Variants in AUTS2 observed in about 807,000 individuals in gnomAD.
AUTS2 encodes the protein autism susceptibility gene 2 protein.
In AUTS2, 17 loss-of-function variants were observed where a neutral mutation model predicts 112.4. The observed-to-expected ratio is 0.15, with a 90% CI of 0.10 to 0.23. AUTS2 has a LOEUF of 0.23. Among genes scored for constraint, AUTS2 ranks in the 10% least tolerant of loss-of-function variants. The probability of loss-of-function intolerance (pLI) is 1.00; values close to 1 mark genes in which losing one functional copy is unlikely to be tolerated. For missense variants in AUTS2, 1,510 were observed against 1,701.6 expected, an observed-to-expected ratio of 0.89 and a Z score of 1.98; for synonymous variants, 751 against 702.7, an observed-to-expected ratio of 1.07 and a Z score of -1.09.
chr7:69,735,185 ACTC>A (rs1320848607), intron 1 of AUTS2, among the ~76,000 whole-genome samples: 2 of 152,150 alleles, frequency 1.3e-5, no homozygotes, highest in African/African-American at 4.8e-5. Context: ...GGATAATACT[ACTC>A]CTAAAACACT....
chr7:70,000,013 C>A (rs772863690), intron 2 of AUTS2, among the ~76,000 whole-genome samples: 1 of 152,198 alleles, frequency 6.6e-6, no homozygotes, highest in Non-Finnish European at 1.5e-5. Flanking sequence ...TGTATCCCTA[C>A]ACAGCTTAAT....
intron 1 of AUTS2, among the ~76,000 whole-genome samples, chr7:69,632,158 A>G (rs1432435483): frequency 1.3e-5 from 2 of 152,138 alleles, no homozygotes; most frequent in African/African-American, 2.4e-5. Context: ...TTGTAAATGT[A>G]TTTTTAGGCT....
intron 4 of AUTS2, among the ~76,000 whole-genome samples, chr7:70,353,377 A>G (rs939720824): frequency 6.6e-6 from 1 of 152,094 alleles, no homozygotes; most frequent in Non-Finnish European, 1.5e-5. Flanking sequence ...TCTAAATACT[A>G]TGGTTGTGTC....
intron 5 of AUTS2, among the ~76,000 whole-genome samples, chr7:70,592,406 C>T (rs1221127114): frequency 6.6e-6 from 1 of 152,010 alleles, no homozygotes; most frequent in Non-Finnish European, 1.5e-5. Context: ...GCCCTGTTGA[C>T]AGGCTGGAGT....
chr7:70,589,092 C>T (rs922258310), intron 5 of AUTS2, among the ~76,000 whole-genome samples: 2 of 152,216 alleles, frequency 1.3e-5, no homozygotes, highest in Non-Finnish European at 2.9e-5. Context: ...ACAGAGGCAG[C>T]AACCGTAAAA....
At chr7:70,532,201 G>A (rs745941703) in intron 5 of AUTS2, among the ~76,000 whole-genome samples, 26 of 152,250 alleles carry the variant, frequency 1.7e-4, no homozygotes, top group Non-Finnish European at 2.5e-4. Context: ...CTTGTATCGC[G>A]TTGCTGATGA....
At chr7:69,702,685 A>C (rs1487622724) in intron 1 of AUTS2, among the ~76,000 whole-genome samples, 1 of 152,152 alleles carries the variant, frequency 6.6e-6, no homozygotes, top group East Asian at 1.9e-4. Flanking sequence ...GGATCTTGTT[A>C]GAAATGCAGA....
intron 5 of AUTS2, among the ~76,000 whole-genome samples, chr7:70,577,841 T>A (rs1363541350): frequency 6.6e-6 from 1 of 152,008 alleles, no homozygotes; most frequent in Non-Finnish European, 1.5e-5. Context: ...ATTTTTTTTT[T>A]ATTTTTTGAG....
Position 69,872,388 on chromosome 7 carries a change from T to A in AUTS2, c.310-26898T>A, listed in dbSNP as rs145772589. 5.9e-3 allele frequency among the ~76,000 whole-genome samples: 895 copies of A among 152,346 alleles called. 9 individuals are homozygous for A. Among genetic ancestry groups the A allele is most frequent in the Admixed American group, 0.015 (226 of 15,304 alleles). On this transcript the variant is annotated intron_variant, in intron 1 of 18. Coordinates refer to ENST00000342771, the MANE Select transcript of AUTS2 (RefSeq NM_015570.4). ...GAAATGTTTTCTTCCTCCTCCTCCT[T>A]TTCTTGTCATGTTGGATATGTCCTT...
chr7:69,728,354 G>A (rs868411403), intron 1 of AUTS2, among the ~76,000 whole-genome samples: 37 of 152,242 alleles, frequency 2.4e-4, no homozygotes, highest in African/African-American at 7.5e-4. Flanking sequence ...AATACTCTTA[G>A]TAGAGCGTGT....
intron 4 of AUTS2, among the ~76,000 whole-genome samples, chr7:70,392,709 A>AC (rs1562931568): frequency 6.6e-6 from 1 of 152,228 alleles, no homozygotes; most frequent in Non-Finnish European, 1.5e-5. Flanking sequence ...CCGCTTGCTA[A>AC]CTATAGCAGG....
chr7:70,125,004 G>GA (rs2129574025), intron 3 of AUTS2, among the ~76,000 whole-genome samples: 1 of 152,134 alleles, frequency 6.6e-6, no homozygotes, highest in East Asian at 1.9e-4. Context: ...TGAACATATG[G>GA]AAAATAGTTA....
intron 1 of AUTS2, among the ~76,000 whole-genome samples, chr7:69,618,629 TAC>T (rs1223127755): frequency 9.3e-4 from 142 of 152,306 alleles, no homozygotes; most frequent in African/African-American, 3.2e-3. Context: ...TGAGGACCAG[TAC>T]ACTATGTGCT....
intron 4 of AUTS2, among the ~76,000 whole-genome samples, chr7:70,427,590 GA>G (rs529981110): frequency 2.6e-5 from 4 of 151,698 alleles, no homozygotes; most frequent in Admixed American, 6.6e-5. Context: ...TGACAAAAAG[GA>G]AAAAAAATAT....
intron 6 of AUTS2, among the ~76,000 whole-genome samples, chr7:70,733,277 C>A (rs934934144): frequency 6.6e-6 from 1 of 152,140 alleles, no homozygotes; most frequent in African/African-American, 2.4e-5. Context: ...AGACTTAGAG[C>A]TAGTGGTGTT....
At chr7:70,055,373 G>T (rs1801946885) in intron 2 of AUTS2, among the ~76,000 whole-genome samples, 1 of 152,160 alleles carries the variant, frequency 6.6e-6, no homozygotes, top group Non-Finnish European at 1.5e-5. Flanking sequence ...GGCGGAGGTT[G>T]TGGTGAGCCA....
At chr7:70,435,899 T>C (rs1795874917) in intron 5 of AUTS2, 118 bp downstream of exon 5, 1 of 1,059,914 alleles carries the variant, frequency 9.4e-7, no homozygotes, top group Non-Finnish European at 1.4e-6. Context: ...CTTTTCTCTT[T>C]AGGAAAGATG....
At chr7:70,535,617 G>T (rs768599436) in intron 5 of AUTS2, among the ~76,000 whole-genome samples, 1 of 152,026 alleles carries the variant, frequency 6.6e-6, no homozygotes, top group Non-Finnish European at 1.5e-5. Context: ...GTTTCACCAG[G>T]TTAGCCAGGC....
intron 1 of AUTS2, among the ~76,000 whole-genome samples, chr7:69,771,268 A>C (rs997210144): frequency 4.6e-5 from 7 of 152,222 alleles, no homozygotes; most frequent in African/African-American, 1.2e-4. Context: ...TTTCAAGAGC[A>C]ATTTTCCCTA....
Sources: allele counts gnomAD v4.1 joint callset (sites outside exome capture counted in the v4.1 genomes callset), GRCh38; gene constraint gnomAD v4.1.1; transcripts MANE v1.5; gene names NCBI Gene and HGNC (gene_info 2026-07-23, HGNC 2026-07-21).